Variants in UBE2E2 observed in about 807,000 individuals in gnomAD.
UBE2E2 encodes the protein ubiquitin conjugating enzyme E2 E2.
A neutral mutation model predicts 24.7 loss-of-function variants in UBE2E2; 6 were observed. The ratio of observed to expected loss-of-function variants is 0.24; its 90% confidence interval spans 0.13 to 0.48. UBE2E2 has a LOEUF of 0.48. Ranked by LOEUF, UBE2E2 falls within the 20% of genes least tolerant of loss-of-function variation. UBE2E2 has a pLI of 0.99. For synonymous variants in UBE2E2, 104 were observed against 83.6 expected, an observed-to-expected ratio of 1.24 and a Z score of -1.33; for missense variants, 169 against 245.0, an observed-to-expected ratio of 0.69 and a Z score of 2.07.
chr3:23,554,118 C>T (rs1344705763), intron 5 of UBE2E2, among the ~76,000 whole-genome samples: 3 of 152,100 alleles, frequency 2.0e-5, no homozygotes, highest in African/African-American at 4.8e-5. Context: ...AGAGATATCA[C>T]ACTTCCTAAT....
chr3:23,342,510 A>G (rs1416995398), intron 3 of UBE2E2, among the ~76,000 whole-genome samples: 1 of 152,164 alleles, frequency 6.6e-6, no homozygotes, highest in African/African-American at 2.4e-5. Context: ...AGTCTCTATG[A>G]GATTGTGTGA....
At chr3:23,435,808 C>T (rs979869139) in intron 3 of UBE2E2, among the ~76,000 whole-genome samples, 19 of 152,142 alleles carry the variant, frequency 1.2e-4, no homozygotes, top group Non-Finnish European at 2.1e-4. Flanking sequence ...TTCATGAGAG[C>T]AGAGTGGAGA....
intron 3 of UBE2E2, among the ~76,000 whole-genome samples, chr3:23,456,119 T>G (rs1388680975): frequency 2.6e-5 from 4 of 152,250 alleles, no homozygotes; most frequent in Non-Finnish European, 5.9e-5. Flanking sequence ...TTTCTTTGCT[T>G]ATTCCTAAGA....
chr3:23,281,436 G>A (rs779387295), intron 3 of UBE2E2, among the ~76,000 whole-genome samples: 4 of 152,194 alleles, frequency 2.6e-5, no homozygotes, highest in Non-Finnish European at 5.9e-5. Flanking sequence ...TTTGAGACCA[G>A]CCTGGGCAGC....
intron 3 of UBE2E2, among the ~76,000 whole-genome samples, chr3:23,428,703 G>A (rs751609266): frequency 2.0e-5 from 3 of 151,946 alleles, no homozygotes; most frequent in Admixed American, 6.6e-5. Flanking sequence ...GGCCAGGTGT[G>A]GTGGCTCACC....
In UBE2E2 at chr3:23,291,683, C is replaced by CTTT. The variant is rs11308326; in HGVS notation, c.227+74390_227+74392dup. Among the ~76,000 whole-genome samples the CTTT allele has an allele frequency of 1.7e-3, 162 of 95,026 alleles. 2 individuals carry two copies. The highest frequency in any genetic ancestry group is 7.3e-3 in the South Asian group (20 of 2,746). 62.3% of individuals were successfully genotyped at this position (95,026 alleles called of 152,430 possible). On this transcript the variant is annotated intron_variant, in intron 3 of 5. Coordinates refer to ENST00000396703, the MANE Select transcript of UBE2E2 (RefSeq NM_152653.4). ...TTATTAATTCATTCTATTTAAGGGG[C>CTTT]TTTTTTTTTTTTTTTTTTTTTGACA...
chr3:23,327,564 A>G lies in UBE2E2; in HGVS notation c.227+110252A>G, dbSNP rs535081398. Among the ~76,000 whole-genome samples the G allele has an allele frequency of 2.0e-5, 3 of 152,328 alleles. 1 individual carries two copies. Among genetic ancestry groups the G allele is most frequent in the African/African-American group, 7.2e-5 (3 of 41,572 alleles). On this transcript the variant is annotated intron_variant, in intron 3 of 5. Transcript: ENST00000396703. ...AAATACTTGTATCAACCAATACAGA[A>G]AGATTATTTATTGTTCTTATAGGCA...
At chr3:23,478,712 A>G (rs1278295773) in intron 3 of UBE2E2, among the ~76,000 whole-genome samples, 1 of 152,078 alleles carries the variant, frequency 6.6e-6, no homozygotes, top group Non-Finnish European at 1.5e-5. Context: ...CCTTTTACCT[A>G]TTATGTGCAG....
chr3:23,250,279 C>G (rs1315975408), intron 3 of UBE2E2, among the ~76,000 whole-genome samples: 2 of 152,192 alleles, frequency 1.3e-5, no homozygotes, highest in Admixed American at 6.5e-5. Context: ...CTACGCTGGT[C>G]TTTAATTCTC....
chr3:23,506,948 A>G (rs912892587), intron 4 of UBE2E2, among the ~76,000 whole-genome samples: 5 of 152,174 alleles, frequency 3.3e-5, no homozygotes, highest in South Asian at 2.1e-4. Context: ...GCTTCCTTCT[A>G]TAGTGTGTCA....
At chr3:23,549,444 A>C (rs1170092153) in intron 5 of UBE2E2, among the ~76,000 whole-genome samples, 3 of 152,192 alleles carry the variant, frequency 2.0e-5, no homozygotes, top group Non-Finnish European at 1.5e-5. Flanking sequence ...TGTTAAAGAA[A>C]ATTAAGTCAA....
intron 3 of UBE2E2, among the ~76,000 whole-genome samples, chr3:23,491,971 G>A (rs1699506587): frequency 6.6e-6 from 1 of 152,176 alleles, no homozygotes; most frequent in Admixed American, 6.5e-5. Flanking sequence ...CATGGTCAAG[G>A]ATGACTCTCA....
rs182524737 is a variant in UBE2E2, at chr3:23,538,295, C to T, written c.508+5594C>T. On this transcript the variant is annotated intron_variant, in intron 5 of 5. Transcript: ENST00000396703. ...CTTGTCTTCTGTCAACTTCTGTCTA[C>T]CTGCTAAATTCTAAAAGTCACTCTA... Among the ~76,000 whole-genome samples, 251 of 152,214 alleles carry T rather than the reference C, an allele frequency of 1.6e-3. 1 individual carries two copies. Among genetic ancestry groups the T allele is most frequent in the African/African-American group, 5.8e-3 (240 of 41,540 alleles).
At chr3:23,338,739 T>G (rs114633500) in intron 3 of UBE2E2, among the ~76,000 whole-genome samples, 300 of 152,234 alleles carry the variant, frequency 2.0e-3, no homozygotes, top group Non-Finnish European at 2.7e-3. Flanking sequence ...AGCACTATAA[T>G]AATGGGCCAT....
chr3:23,382,455 T>C (rs1266037521), intron 3 of UBE2E2, among the ~76,000 whole-genome samples: 1 of 152,210 alleles, frequency 6.6e-6, no homozygotes, highest in Non-Finnish European at 1.5e-5. Flanking sequence ...GTGCTAGGAT[T>C]ATGGGGATAA....
At chr3:23,512,885 C>T (rs377093147) in intron 4 of UBE2E2, among the ~76,000 whole-genome samples, 2 of 152,142 alleles carry the variant, frequency 1.3e-5, no homozygotes, top group East Asian at 3.9e-4. Flanking sequence ...GCAGAGGTTG[C>T]AGTGAGCCAA....
intron 3 of UBE2E2, among the ~76,000 whole-genome samples, chr3:23,361,940 T>G (rs547550858): frequency 6.6e-6 from 1 of 152,232 alleles, no homozygotes; most frequent in South Asian, 2.1e-4. Flanking sequence ...TATAATCTTA[T>G]GTAATTTAAA....
rs1023305025 is a variant in UBE2E2 at position 23,448,981 on chromosome 3, T to C, written c.228-50627T>C. Among the ~76,000 whole-genome samples the C allele has an allele frequency of 2.6e-5, 4 of 152,214 alleles. No individual in the cohort carries two copies. The East Asian group carries it at 7.7e-4, about 29-fold the overall frequency. On this transcript the variant is annotated intron_variant, in intron 3 of 5. Coordinates refer to ENST00000396703, the MANE Select transcript of UBE2E2 (RefSeq NM_152653.4). Reference sequence around the variant, plus strand: ...TTATATTTTCTGGTTTTTCAATGGCTTTTAGAAATGTAATATCCATCATCC... The same window carrying C: ...TTATATTTTCTGGTTTTTCAATGGCCTTTAGAAATGTAATATCCATCATCC...
At chr3:23,508,814 G>A (rs1159883167) in intron 4 of UBE2E2, among the ~76,000 whole-genome samples, 4 of 152,164 alleles carry the variant, frequency 2.6e-5, no homozygotes, top group East Asian at 3.8e-4. Context: ...ATTCCTTCAC[G>A]ATGGATGTTC....
Sources: allele counts gnomAD v4.1 joint callset (sites outside exome capture counted in the v4.1 genomes callset), GRCh38; gene constraint gnomAD v4.1.1; transcripts MANE v1.5; gene names NCBI Gene and HGNC (gene_info 2026-07-23, HGNC 2026-07-21).